ATXN1: variants seen among roughly 807,000 people sequenced by gnomAD.
The protein encoded by ATXN1 is ataxin-1.
Under a neutral mutation model 56.4 loss-of-function variants are expected in ATXN1, and 8 were observed. That is an observed-to-expected ratio of 0.14 (90% CI 0.08 to 0.26). The LOEUF is 0.26. Ranked by LOEUF, ATXN1 falls within the 10% of genes least tolerant of loss-of-function variation. The probability of loss-of-function intolerance (pLI) is 1.00; values close to 1 mark genes in which losing one functional copy is unlikely to be tolerated. For missense variants in ATXN1, 987 were observed against 1,106.5 expected, an observed-to-expected ratio of 0.89 and a Z score of 1.53; for synonymous variants, 514 against 494.6, an observed-to-expected ratio of 1.04 and a Z score of -0.52.
At chr6:16,388,689 G>A (rs1758289253) in intron 6 of ATXN1, among the ~76,000 whole-genome samples, 1 of 152,206 alleles carries the variant, frequency 6.6e-6, no homozygotes, top group Admixed American at 6.5e-5. Flanking sequence ...AGGAGGTCAT[G>A]AGTGCTAACC....
chr6:16,694,498 T>A (rs888675860), intron 2 of ATXN1, among the ~76,000 whole-genome samples: 15 of 152,150 alleles, frequency 9.9e-5, no homozygotes, highest in African/African-American at 3.6e-4. Flanking sequence ...TAAAAGAAAT[T>A]ATGTCTATGT....
At chr6:16,526,675 G>T (rs960358622) in intron 4 of ATXN1, among the ~76,000 whole-genome samples, 4 of 151,700 alleles carry the variant, frequency 2.6e-5, no homozygotes, top group South Asian at 2.1e-4. Flanking sequence ...TGAGGCAGGA[G>T]GATCACTTGA....
intron 7 of ATXN1, among the ~76,000 whole-genome samples, chr6:16,325,385 T>C (rs1760779235): frequency 6.6e-6 from 1 of 152,128 alleles, no homozygotes; most frequent in Admixed American, 6.5e-5. Flanking sequence ...CCCAAAGTGC[T>C]GGGATTACAG....
At chr6:16,635,300 G>C (rs1763575830) in intron 3 of ATXN1, among the ~76,000 whole-genome samples, 1 of 152,148 alleles carries the variant, frequency 6.6e-6, no homozygotes, top group South Asian at 2.1e-4. Context: ...ATTATGGTGA[G>C]TTGCATAATT....
At chr6:16,526,497 G>C (rs1052658805) in intron 4 of ATXN1, among the ~76,000 whole-genome samples, 2 of 152,220 alleles carry the variant, frequency 1.3e-5, no homozygotes, top group Admixed American at 6.5e-5. Flanking sequence ...GGACGCGGTG[G>C]CTCACGCCTG....
At chr6:16,720,481 T>C (rs1759724568) in intron 2 of ATXN1, among the ~76,000 whole-genome samples, 1 of 152,232 alleles carries the variant, frequency 6.6e-6, no homozygotes, top group Non-Finnish European at 1.5e-5. Flanking sequence ...TACTTGGTTG[T>C]ATAAGAATGA....
At chr6:16,567,666 T>C (rs551763302) in intron 4 of ATXN1, among the ~76,000 whole-genome samples, 1 of 151,988 alleles carries the variant, frequency 6.6e-6, no homozygotes, top group Non-Finnish European at 1.5e-5. Context: ...TTTTTACTTG[T>C]ATATGGATAG....
chr6:16,651,619 C>T (rs1763895056), intron 3 of ATXN1, among the ~76,000 whole-genome samples: 1 of 151,020 alleles, frequency 6.6e-6, no homozygotes, highest in Non-Finnish European at 1.5e-5. Flanking sequence ...CCAGCATCAA[C>T]AAATGGTGAG....
chr6:16,481,960 G>A (rs141999713), intron 6 of ATXN1, among the ~76,000 whole-genome samples: 103 of 151,488 alleles, frequency 6.8e-4, no homozygotes, highest in Non-Finnish European at 1.2e-3. Context: ...AGACAGTGCA[G>A]ACTTTTAAAA....
intron 6 of ATXN1, among the ~76,000 whole-genome samples, chr6:16,435,991 G>A (rs555531598): frequency 4.6e-5 from 7 of 152,022 alleles, no homozygotes; most frequent in South Asian, 4.2e-4. Context: ...TCCACCTCCC[G>A]GGTTCCAGCT....
intron 3 of ATXN1, among the ~76,000 whole-genome samples, chr6:16,635,062 C>T (rs1763570838): frequency 6.6e-6 from 1 of 152,174 alleles, no homozygotes; most frequent in African/African-American, 2.4e-5. Context: ...TTTACAGCCA[C>T]TCCCCATTGT....
In ATXN1 at chr6:16,595,384, T is replaced by TA. The variant is rs1762796297; in HGVS notation, c.-488-9478dup. Among the ~76,000 whole-genome samples the TA allele has an allele frequency of 7.2e-5, 11 of 152,338 alleles. No individual in the cohort carries two copies. The South Asian group carries it at 2.3e-3, about 32-fold the overall frequency. ...ATCGGCCCGTTCTTCATCATCCTCC[T>TA]ACATATACCTATAGATCTGTCTGGG... On this transcript the variant is annotated intron_variant, in intron 3 of 7. Transcript: ENST00000436367.
rs2113409202 is a variant in ATXN1, at chr6:16,326,776, G to A, written c.1535C>T (p.Ser512Phe). The part of the protein sequence containing the change: ...SGAAPAIVTS[S>F]PQFAAVPHTF... ...GTGAGGCACTGCAGCAAACTGGGGG[G>A]ATGACGTGACTATGGCCGGGGCTGC... The change falls in exon 7 of 8, where the codon TCC becomes TTC. Residue 512 changes from serine to phenylalanine, a missense_variant. Transcript: ENST00000436367. The surrounding 1 kb of genome is among the most constrained non-coding windows in gnomAD (Gnocchi z 6.6). The A allele has an allele frequency of 6.2e-7, 1 of 1,612,338 alleles. No homozygotes were observed. Among genetic ancestry groups the A allele is most frequent in the Non-Finnish European group, 8.5e-7 (1 of 1,178,782 alleles).
chr6:16,372,669 T>C (rs929540252), intron 6 of ATXN1, among the ~76,000 whole-genome samples: 1 of 152,196 alleles, frequency 6.6e-6, no homozygotes, highest in Admixed American at 6.6e-5. Context: ...ATCCAAGCTC[T>C]TTGGGAGTCT....
chr6:16,579,493 A>G (rs74870209), intron 4 of ATXN1, among the ~76,000 whole-genome samples: 5 of 10,788 alleles, frequency 4.6e-4, no homozygotes, highest in Admixed American at 1.5e-3. Flanking sequence ...CCCCCCCCCC[A>G]CCCGCCGATT....
At chr6:16,457,621 C>T (rs1447943435) in intron 6 of ATXN1, among the ~76,000 whole-genome samples, 1 of 152,142 alleles carries the variant, frequency 6.6e-6, no homozygotes, top group African/African-American at 2.4e-5. Context: ...GCAGGTTGAC[C>T]TTTTCTGTAA....
intron 3 of ATXN1, among the ~76,000 whole-genome samples, chr6:16,606,321 A>G (rs1284276123): frequency 2.0e-5 from 3 of 152,176 alleles, no homozygotes; most frequent in African/African-American, 7.2e-5. Context: ...CTCACCTGCG[A>G]ACACATGTGA....
chr6:16,546,644 G>T (rs1761819684), intron 4 of ATXN1, among the ~76,000 whole-genome samples: 1 of 152,174 alleles, frequency 6.6e-6, no homozygotes, highest in South Asian at 2.1e-4. Context: ...GCTACTACAA[G>T]ATATAATTAC....
intron 4 of ATXN1, among the ~76,000 whole-genome samples, chr6:16,569,598 T>A (rs1293175144): frequency 6.7e-6 from 1 of 149,262 alleles, no homozygotes. Flanking sequence ...AGAGATATAA[T>A]GCCCTGCAAA....
Sources: allele counts gnomAD v4.1 joint callset (sites outside exome capture counted in the v4.1 genomes callset), GRCh38; gene constraint gnomAD v4.1.1; non-coding constraint Gnocchi (gnomAD v3.1); transcripts MANE v1.5; gene names NCBI Gene and HGNC (gene_info 2026-07-23, HGNC 2026-07-21).